The following EYS variants were observed in gnomAD, a reference collection of about 807,000 sequenced individuals.
EYS encodes the protein EGF-like photoreceptor maintenance factor.
EYS carries 250 observed loss-of-function variants against 282.1 expected under a neutral mutation model. The observed-to-expected ratio is 0.89, with a 90% CI of 0.80 to 0.98. The LOEUF is 0.98. Ranked by LOEUF, EYS falls within the 50% of genes least tolerant of loss-of-function variation. The pLI, the probability that EYS is intolerant of heterozygous loss-of-function variation, is 0.00. For synonymous variants in EYS, 1,355 were observed against 1,282.9 expected, an observed-to-expected ratio of 1.06 and a Z score of -1.20; for missense variants, 4,016 against 3,709.0, an observed-to-expected ratio of 1.08 and a Z score of -2.15.
chr6:63,729,046 A>G (rs1258608778), intron 41 of EYS, among the ~76,000 whole-genome samples: 4 of 152,148 alleles, frequency 2.6e-5, no homozygotes, highest in Non-Finnish European at 5.9e-5. Context: ...GTGTTATCCA[A>G]TTATTATAAT....
At chr6:63,777,399 G>A (rs1388025236) in intron 40 of EYS, among the ~76,000 whole-genome samples, 4 of 152,162 alleles carry the variant, frequency 2.6e-5, no homozygotes, top group Non-Finnish European at 5.9e-5. Flanking sequence ...ATACATGTAT[G>A]AGACATAAGA....
chr6:64,703,429 AT>A (rs1554194865), intron 22 of EYS, among the ~76,000 whole-genome samples: 807 of 23,352 alleles, frequency 0.035, 35 homozygotes, highest in Admixed American at 0.095. Context: ...ATATATATAT[AT>A]TTTTTTTTTT....
intron 26 of EYS, among the ~76,000 whole-genome samples, chr6:64,498,529 A>G (rs563835111): frequency 1.3e-5 from 2 of 152,096 alleles, no homozygotes; most frequent in East Asian, 3.9e-4. Flanking sequence ...ATAGGTAAAC[A>G]TGTGCCATGG....
intron 36 of EYS, among the ~76,000 whole-genome samples, chr6:63,837,059 C>T (rs570139106): frequency 1.3e-5 from 2 of 152,102 alleles, no homozygotes; most frequent in South Asian, 2.1e-4. Context: ...GATGTTCCAT[C>T]AATTCACATG....
chr6:64,020,431 T>TA (rs1769134420), intron 33 of EYS, among the ~76,000 whole-genome samples: 1 of 152,134 alleles, frequency 6.6e-6, no homozygotes, highest in South Asian at 2.1e-4. Context: ...TTTACTTAAC[T>TA]AAAAAAACAC....
At chr6:63,838,132 G>A (rs1227558922) in intron 36 of EYS, among the ~76,000 whole-genome samples, 1 of 151,780 alleles carries the variant, frequency 6.6e-6, no homozygotes, top group South Asian at 2.1e-4. Flanking sequence ...TACATCTTAT[G>A]TATTTTAGAA....
At chr6:65,439,645 C>A (rs1449565245) in intron 5 of EYS, among the ~76,000 whole-genome samples, 3 of 152,098 alleles carry the variant, frequency 2.0e-5, no homozygotes, top group African/African-American at 7.2e-5. Flanking sequence ...ATTTGGCTCT[C>A]TGTTTTTCTG....
intron 5 of EYS, among the ~76,000 whole-genome samples, chr6:65,429,260 G>T (rs1282673884): frequency 1.3e-5 from 2 of 151,970 alleles, no homozygotes; most frequent in East Asian, 3.9e-4. Flanking sequence ...TGCATGGTGT[G>T]CAACTAGAAA....
intron 33 of EYS, among the ~76,000 whole-genome samples, chr6:64,054,549 T>C (rs1770919302): frequency 6.6e-6 from 1 of 152,230 alleles, no homozygotes; most frequent in South Asian, 2.1e-4. Flanking sequence ...TGATAAATGA[T>C]GGAGAAAGGG....
chr6:64,831,595 T>C (rs145389405), intron 19 of EYS, among the ~76,000 whole-genome samples: 44 of 152,032 alleles, frequency 2.9e-4, no homozygotes, highest in African/African-American at 8.7e-4. Flanking sequence ...ATAATGATGT[T>C]CATTTAAATC....
At chr6:64,183,905 T>A (rs1240065042) in intron 31 of EYS, among the ~76,000 whole-genome samples, 1 of 152,134 alleles carries the variant, frequency 6.6e-6, no homozygotes, top group Non-Finnish European at 1.5e-5. Flanking sequence ...ACACTTCTTT[T>A]CTTTTTTTAA....
chr6:64,700,737 T>C (rs1228155217), intron 22 of EYS, among the ~76,000 whole-genome samples: 1 of 151,766 alleles, frequency 6.6e-6, no homozygotes, highest in Non-Finnish European at 1.5e-5. Context: ...TTCAAACAAA[T>C]GAAAAAAACA....
intron 31 of EYS, among the ~76,000 whole-genome samples, chr6:64,212,676 T>C (rs2150328419): frequency 6.6e-6 from 1 of 152,164 alleles, no homozygotes; most frequent in Admixed American, 6.5e-5. Flanking sequence ...TGTAAATTAG[T>C]TCAAGCATTG....
intron 16 of EYS, among the ~76,000 whole-genome samples, chr6:64,904,122 A>C (rs982085746): frequency 6.6e-6 from 1 of 152,212 alleles, no homozygotes; most frequent in African/African-American, 2.4e-5. Flanking sequence ...AAACATAACA[A>C]CAATGATAGG....
intron 22 of EYS, among the ~76,000 whole-genome samples, chr6:64,668,565 T>C (rs1433849296): frequency 6.8e-6 from 1 of 146,674 alleles, no homozygotes; most frequent in Non-Finnish European, 1.5e-5. Context: ...TTTTTTTTTT[T>C]TCGGGACAGA....
chr6:64,336,946 C>G (rs1770876049), intron 29 of EYS, among the ~76,000 whole-genome samples: 4 of 151,926 alleles, frequency 2.6e-5, no homozygotes, highest in Admixed American at 2.6e-4. Flanking sequence ...ACGACACAAC[C>G]TACCAAAACC....
chr6:63,877,392 C>T (rs1169059348), intron 35 of EYS, among the ~76,000 whole-genome samples: 1 of 151,960 alleles, frequency 6.6e-6, no homozygotes, highest in African/African-American at 2.4e-5. Flanking sequence ...TCTCTCTGGC[C>T]GCCCTTAATG....
chr6:63,922,284 C>T (rs1764592553), intron 35 of EYS, among the ~76,000 whole-genome samples: 1 of 152,136 alleles, frequency 6.6e-6, no homozygotes, highest in Non-Finnish European at 1.5e-5. Context: ...CAGGTCTTGC[C>T]TGGTACAGTG....
chr6:65,653,131 C>T (rs1021249851), intron 1 of EYS, among the ~76,000 whole-genome samples: 7 of 151,746 alleles, frequency 4.6e-5, no homozygotes, highest in African/African-American at 1.2e-4. Context: ...AGAGAAAGGG[C>T]GAGGGAGAGA....
Sources: allele counts gnomAD v4.1 joint callset (sites outside exome capture counted in the v4.1 genomes callset), GRCh38; gene constraint gnomAD v4.1.1; transcripts MANE v1.5; gene names NCBI Gene and HGNC (gene_info 2026-07-23, HGNC 2026-07-21).